PTGIS: variants seen among roughly 807,000 people sequenced by gnomAD.
PTGIS encodes the protein prostacyclin synthase.
In PTGIS, 45 loss-of-function variants were observed where a neutral mutation model predicts 50.3. The observed-to-expected ratio is 0.90, with a 90% confidence interval of 0.70 to 1.15. The LOEUF (loss-of-function observed/expected upper bound fraction) is 1.15. Among genes scored for constraint, PTGIS ranks in the 50% most tolerant of loss-of-function variants. The pLI is 0.00. For synonymous variants in PTGIS, 260 were observed against 267.7 expected (o/e 0.97, Z 0.28); for missense variants, 668 against 661.3 (o/e 1.01, Z -0.11).
chr20:49,540,671 G>A lies in PTGIS; in HGVS notation c.522-950C>T, dbSNP rs951434002. Reference sequence around the variant, plus strand: ...CTCACTGAGGCACACTTACGCACACGCACACGCACACACACAGGACCACGC... The same window carrying A: ...CTCACTGAGGCACACTTACGCACACACACACGCACACACACAGGACCACGC... On this transcript the variant is annotated intron_variant, in intron 4 of 9. Transcript: ENST00000244043. The surrounding 1 kb of genome is among the most constrained non-coding windows in gnomAD (Gnocchi z 4.8). 4.6e-5 allele frequency among the ~76,000 whole-genome samples: 7 copies of A among 152,074 alleles called. No individual in the cohort carries two copies. Among genetic ancestry groups the A allele is most frequent in the African/African-American group, 1.2e-4 (5 of 41,396 alleles).
At chr20:49,510,935 TCTC>T in intron 9 of PTGIS, 90 bp downstream of exon 9, 1 of 1,257,398 alleles carries the variant, frequency 8.0e-7, no homozygotes, top group Non-Finnish European at 1.2e-6. Context: ...GCCAAACCAT[TCTC>T]CTGGCTGAGC....
At position 49,506,421 on chromosome 20, in the gene PTGIS, A is replaced by C. The variant is rs529009164; in HGVS notation, c.*1499T>G. ...GAGACAGAGTCTTGCTCTGTCGCCC[A>C]GGCTGGAGTGCCGTGGCGCAGTCTC... On this transcript the variant is annotated 3_prime_UTR_variant, in exon 10 of 10. Transcript: ENST00000244043. 1.3e-5 allele frequency: 2 copies of C among 152,328 alleles called. No individual in the cohort carries two copies. The highest frequency in any genetic ancestry group is 4.8e-5 in the African/African-American group (2 of 41,566). 9.4% of individuals were successfully genotyped at this position (152,328 alleles called of 1,614,324 possible). A position where few individuals can be genotyped will look rare whatever the true frequency, so the allele number is the denominator to read the frequency against.
intron 2 of PTGIS, among the ~76,000 whole-genome samples, chr20:49,548,399 G>A (rs1489847829): frequency 6.6e-6 from 1 of 152,174 alleles, no homozygotes; most frequent in South Asian, 2.1e-4. Context: ...AGGAGAGAAG[G>A]CGGCAGATGG....
chr20:49,549,559 T>A (rs1191680289), intron 2 of PTGIS, among the ~76,000 whole-genome samples: 1 of 152,138 alleles, frequency 6.6e-6, no homozygotes, highest in African/African-American at 2.4e-5. Flanking sequence ...GAACTCTGGG[T>A]AGATCTGGGC....
intron 4 of PTGIS, among the ~76,000 whole-genome samples, chr20:49,542,314 C>A (rs996135707): frequency 3.3e-5 from 5 of 152,234 alleles, no homozygotes; most frequent in African/African-American, 2.4e-5. Flanking sequence ...TCCCATCCAA[C>A]TGGCCCATTC....
chr20:49,550,029 T>A (rs1250643675), intron 2 of PTGIS, 37 bp downstream of exon 2: 1 of 1,613,944 alleles, frequency 6.2e-7, no homozygotes, highest in Non-Finnish European at 8.5e-7. Flanking sequence ...GCCCAGCTGC[T>A]CATCCCCATC....
intron 6 of PTGIS, among the ~76,000 whole-genome samples, chr20:49,519,887 C>G (rs1193983288): frequency 6.6e-6 from 1 of 152,130 alleles, no homozygotes; most frequent in Non-Finnish European, 1.5e-5. Flanking sequence ...AATCTAACCA[C>G]CCCTGACCCT....
chr20:49,543,108 G>A (rs193284794), intron 4 of PTGIS, among the ~76,000 whole-genome samples: 36 of 152,018 alleles, frequency 2.4e-4, no homozygotes, highest in African/African-American at 6.5e-4. Context: ...TTAAATTCTG[G>A]TTGGTTAAGG....
intron 6 of PTGIS, among the ~76,000 whole-genome samples, chr20:49,522,121 C>G (rs948360534): frequency 3.3e-5 from 5 of 152,078 alleles, no homozygotes; most frequent in African/African-American, 4.8e-5. Context: ...GACCTCTTCC[C>G]TCGGTCTCAC....
chr20:49,543,810 G>A (rs1982289860), intron 4 of PTGIS, among the ~76,000 whole-genome samples: 1 of 152,166 alleles, frequency 6.6e-6, no homozygotes, highest in African/African-American at 2.4e-5. Context: ...CTCCCCCACT[G>A]GAGTGTCAGC....
At chr20:49,516,120 G>A (rs1981468284) in intron 6 of PTGIS, among the ~76,000 whole-genome samples, 1 of 150,996 alleles carries the variant, frequency 6.6e-6, no homozygotes, top group African/African-American at 2.4e-5. Context: ...GCCTCGAGCA[G>A]TCCTCCTGCC....
intron 7 of PTGIS, among the ~76,000 whole-genome samples, chr20:49,513,486 G>T (rs1229224314): frequency 6.6e-6 from 1 of 152,088 alleles, no homozygotes; most frequent in Non-Finnish European, 1.5e-5. Flanking sequence ...GACCCCAAGA[G>T]AAGTTGTGAG....
At chr20:49,533,671 A>AT (rs1380464147) in intron 5 of PTGIS, among the ~76,000 whole-genome samples, 1 of 152,168 alleles carries the variant, frequency 6.6e-6, no homozygotes, top group African/African-American at 2.4e-5. Flanking sequence ...ACATTTTTAA[A>AT]AATGGCCGGG....
At chr20:49,560,151 T>C (rs986270286) in intron 1 of PTGIS, among the ~76,000 whole-genome samples, 2 of 152,044 alleles carry the variant, frequency 1.3e-5, no homozygotes, top group Non-Finnish European at 2.9e-5. Flanking sequence ...CTTGAACTCC[T>C]GACCTTGTGA....
chr20:49,559,082 C>A (rs1982695628), intron 1 of PTGIS, among the ~76,000 whole-genome samples: 1 of 152,148 alleles, frequency 6.6e-6, no homozygotes, highest in South Asian at 2.1e-4. Flanking sequence ...GCTTACCCAA[C>A]AGACCCAAGA....
At chr20:49,533,947 C>T (rs1343574811) in intron 5 of PTGIS, among the ~76,000 whole-genome samples, 1 of 151,510 alleles carries the variant, frequency 6.6e-6, no homozygotes, top group African/African-American at 2.4e-5. Context: ...GGCAACAGAG[C>T]AAGACTCTGT....
intron 1 of PTGIS, among the ~76,000 whole-genome samples, chr20:49,565,296 T>C (rs767895240): frequency 6.6e-6 from 1 of 152,166 alleles, no homozygotes; most frequent in Non-Finnish European, 1.5e-5. Flanking sequence ...AAAAGTCACA[T>C]GGTTCTAAGA....
At chr20:49,541,328 G>A (rs1451697750) in intron 4 of PTGIS, among the ~76,000 whole-genome samples, 1 of 152,124 alleles carries the variant, frequency 6.6e-6, no homozygotes, top group Non-Finnish European at 1.5e-5. Flanking sequence ...CACTGCAGTT[G>A]ACACTGGTCA....
chr20:49,548,324 C>A (rs1441729661), intron 2 of PTGIS, among the ~76,000 whole-genome samples: 2 of 152,192 alleles, frequency 1.3e-5, no homozygotes, highest in Non-Finnish European at 2.9e-5. Context: ...AGACTGTGTT[C>A]TCTACCACCT....
Sources: allele counts gnomAD v4.1 joint callset (sites outside exome capture counted in the v4.1 genomes callset), GRCh38; gene constraint gnomAD v4.1.1; non-coding constraint Gnocchi (gnomAD v3.1); transcripts MANE v1.5; gene names NCBI Gene and HGNC (gene_info 2026-07-23, HGNC 2026-07-21).